MCTP1: variants seen among roughly 807,000 people sequenced by gnomAD.
MCTP1 encodes multiple C2 and transmembrane domain containing 1.
In MCTP1, 69 loss-of-function variants were observed where a neutral mutation model predicts 120.6. The ratio of observed to expected loss-of-function variants is 0.57; its 90% CI spans 0.47 to 0.70. MCTP1 has a LOEUF of 0.70. Ranked by LOEUF, MCTP1 falls within the 30% of genes least tolerant of loss-of-function variation. The pLI is 0.00. For synonymous variants in MCTP1, 529 were observed against 493.1 expected (o/e 1.07, Z -0.96); for missense variants, 1,203 against 1,248.8 (o/e 0.96, Z 0.55).
At chr5:94,952,195 C>CAAAAAAAAAAAAAAAAA (rs1554149863) in intron 3 of MCTP1, among the ~76,000 whole-genome samples, 1 of 72,996 alleles carries the variant, frequency 1.4e-5, no homozygotes, top group African/African-American at 5.6e-5. Flanking sequence ...AAAAAAAAAG[C>CAAAAAAAAAAAAAAAAA]TATTGAATTG....
At chr5:94,895,690 T>C (rs1358523660) in intron 10 of MCTP1, among the ~76,000 whole-genome samples, 1 of 152,198 alleles carries the variant, frequency 6.6e-6, no homozygotes, top group East Asian at 1.9e-4. Flanking sequence ...TATTCCTCAC[T>C]CTATTTGGTA....
chr5:94,993,931 T>C (rs979197138), intron 2 of MCTP1, among the ~76,000 whole-genome samples: 1 of 152,216 alleles, frequency 6.6e-6, no homozygotes, highest in African/African-American at 2.4e-5. Flanking sequence ...TAAACGGTTT[T>C]TTCCCCACAA....
At chr5:95,018,109 ATGTT>A (rs1262982636) in intron 1 of MCTP1, among the ~76,000 whole-genome samples, 7 of 152,128 alleles carry the variant, frequency 4.6e-5, no homozygotes, top group Admixed American at 6.6e-5. Context: ...AGATCTAAAA[ATGTT>A]TGTGAGCCTG....
At chr5:94,780,997 A>G (rs2152944579) in intron 18 of MCTP1, among the ~76,000 whole-genome samples, 1 of 152,228 alleles carries the variant, frequency 6.6e-6, no homozygotes, top group Admixed American at 6.5e-5. Flanking sequence ...TTTGTGAGGG[A>G]GGTTTAAGAT....
At chr5:94,724,026 G>C (rs1247072927) in intron 19 of MCTP1, among the ~76,000 whole-genome samples, 1 of 152,120 alleles carries the variant, frequency 6.6e-6, no homozygotes, top group Non-Finnish European at 1.5e-5. Context: ...ATGAGAAAGG[G>C]AAGGAAAATG....
chr5:94,819,523 T>C (rs961942547), intron 17 of MCTP1, among the ~76,000 whole-genome samples: 1 of 152,150 alleles, frequency 6.6e-6, no homozygotes, highest in African/African-American at 2.4e-5. Flanking sequence ...ATAAACACAA[T>C]ATTCATAGAT....
chr5:94,982,883 T>G (rs188638222), intron 2 of MCTP1, among the ~76,000 whole-genome samples: 1 of 13,198 alleles, frequency 7.6e-5, no homozygotes, highest in Non-Finnish European at 1.5e-4. Context: ...GCACACTTCA[T>G]CAAAAAAAAA....
chr5:95,274,191 C>T (rs1025972201), intron 1 of MCTP1, among the ~76,000 whole-genome samples: 8 of 152,310 alleles, frequency 5.3e-5, no homozygotes, highest in Middle Eastern at 3.4e-3. Flanking sequence ...TACTGACTTC[C>T]CATTTTTTGC....
chr5:94,812,896 T>TTCTCTCTC (rs70978132), intron 17 of MCTP1, among the ~76,000 whole-genome samples: 2 of 147,212 alleles, frequency 1.4e-5, no homozygotes, highest in African/African-American at 5.0e-5. Context: ...ACCAAAAGCA[T>TTCTCTCTC]TCTCTCTCTC....
intron 1 of MCTP1, among the ~76,000 whole-genome samples, chr5:95,216,132 T>C (rs1327355728): frequency 1.3e-5 from 2 of 152,250 alleles, no homozygotes; most frequent in African/African-American, 4.8e-5. Flanking sequence ...CCATTCTTCA[T>C]GGTACTCTAA....
chr5:94,834,792 G>A (rs1361602423), intron 17 of MCTP1, among the ~76,000 whole-genome samples: 2 of 147,594 alleles, frequency 1.4e-5, no homozygotes, highest in African/African-American at 5.0e-5. Context: ...TAATGATAAT[G>A]TGTCATTATA....
chr5:94,828,612 CCT>C (rs1787781314), intron 17 of MCTP1, among the ~76,000 whole-genome samples: 2 of 152,210 alleles, frequency 1.3e-5, no homozygotes, highest in Non-Finnish European at 2.9e-5. Flanking sequence ...TCTATAAGCC[CCT>C]GACTAGGGCT....
At chr5:94,859,500 A>G (rs1301568340) in intron 17 of MCTP1, among the ~76,000 whole-genome samples, 2 of 151,764 alleles carry the variant, frequency 1.3e-5, no homozygotes, top group African/African-American at 4.8e-5. Context: ...GCTTATGCTA[A>G]TTACTCTGAT....
intron 1 of MCTP1, among the ~76,000 whole-genome samples, chr5:95,242,909 A>C (rs1316598025): frequency 5.3e-5 from 8 of 152,186 alleles, no homozygotes; most frequent in Non-Finnish European, 1.2e-4. Context: ...GCTGCAATAA[A>C]CCTGTTTTTA....
At chr5:95,103,561 C>T (rs1481814524) in intron 1 of MCTP1, among the ~76,000 whole-genome samples, 1 of 152,140 alleles carries the variant, frequency 6.6e-6, no homozygotes, top group African/African-American at 2.4e-5. Flanking sequence ...GGAGCCATTG[C>T]TACCTCTCAT....
chr5:95,103,246 C>T (rs1001305589), intron 1 of MCTP1, among the ~76,000 whole-genome samples: 6 of 152,000 alleles, frequency 3.9e-5, no homozygotes, highest in African/African-American at 1.4e-4. Flanking sequence ...CAAATATATA[C>T]GTAAGCTTTG....
At chr5:94,744,243 G>C (rs549490738) in intron 19 of MCTP1, among the ~76,000 whole-genome samples, 3 of 152,192 alleles carry the variant, frequency 2.0e-5, no homozygotes, top group African/African-American at 7.2e-5. Flanking sequence ...CAAAGTGCTC[G>C]GATTATAGGC....
intron 1 of MCTP1, among the ~76,000 whole-genome samples, chr5:95,157,749 A>G (rs968747530): frequency 2.0e-5 from 3 of 152,248 alleles, no homozygotes; most frequent in Non-Finnish European, 4.4e-5. Context: ...ATATGATTAC[A>G]TGGAGCAGGG....
chr5:95,207,892 T>G (rs1751805028), intron 1 of MCTP1, among the ~76,000 whole-genome samples: 1 of 141,364 alleles, frequency 7.1e-6, no homozygotes, highest in Non-Finnish European at 1.5e-5. Flanking sequence ...GCAGTCACTT[T>G]GTAACAAATC....
Sources: gnomAD v4.1 joint callset for allele counts (sites outside exome capture counted in the v4.1 genomes callset) on GRCh38, gnomAD v4.1.1 for gene constraint, MANE v1.5 for transcripts, NCBI Gene and HGNC (gene_info 2026-07-23, HGNC 2026-07-21) for gene names.